The following PSMC2 variants were observed in gnomAD, a reference collection of about 807,000 sequenced individuals.
PSMC2 encodes proteasome 26S subunit, ATPase 2, also known as 26S proteasome regulatory subunit 7.
PSMC2 carries 7 observed loss-of-function variants against 53.3 expected under a neutral mutation model. That is an observed-to-expected ratio of 0.13 (90% CI 0.07 to 0.25). The LOEUF (loss-of-function observed/expected upper bound fraction) is 0.25. Ranked by LOEUF, PSMC2 falls within the 10% of genes least tolerant of loss-of-function variation. The pLI is 1.00. For missense variants in PSMC2, 241 were observed against 544.0 expected (o/e 0.44, Z 5.54); for synonymous variants, 169 against 183.9 (o/e 0.92, Z 0.66).
chr7:103,367,018 T>C lies in PSMC2; in HGVS notation c.845-395T>C, dbSNP rs1820753777. Among the ~76,000 whole-genome samples, 2 of 152,184 alleles carry C rather than the reference T, an allele frequency of 1.3e-5. No individual in the cohort carries two copies. The highest frequency in any genetic ancestry group is 1.3e-4 in the Admixed American group (2 of 15,282). On this transcript the variant is annotated intron_variant, in intron 9 of 11. Coordinates refer to ENST00000292644, the MANE Select transcript of PSMC2 (RefSeq NM_002803.4). The surrounding 1 kb of genome is among the most constrained non-coding windows in gnomAD (Gnocchi z 6.1). ...CGTGGTTTCACCATGTTGGCCAGGC[T>C]GGTCTCGAACTCCTGAGGACAAGTT...
At chr7:103,366,218 AAGTG>A (rs878996804) in intron 9 of PSMC2, 55 bp downstream of exon 9, 2 of 1,450,000 alleles carry the variant, frequency 1.4e-6, no homozygotes. Context: ...GAAAGCTGTA[AAGTG>A]ATATGTCGTG....
rs747848662 is a variant in PSMC2, at chr7:103,367,888, G to T, written c.1145-9G>T. The T allele has an allele frequency of 3.7e-6, 6 of 1,610,754 alleles. No homozygotes were observed. The Admixed American group carries it at 1.0e-4, about 27-fold the overall frequency. On this transcript the variant is annotated splice_polypyrimidine_tract_variant and intron_variant, in intron 11 of 11. Coordinates refer to ENST00000292644, the MANE Select transcript of PSMC2 (RefSeq NM_002803.4). This position sits in a 1 kb window ranked among gnomAD's most constrained non-coding sequence, Gnocchi z 6.1. ...AATTAAGCCCGTTTATTTTCTTTTT[G>T]TTTGAAAGGTGCTGAGATTAGAAGC... is the stretch of plus-strand genomic sequence containing the variant.
chr7:103,350,939 CT>C (rs1249540367), intron 1 of PSMC2, among the ~76,000 whole-genome samples: 1 of 152,152 alleles, frequency 6.6e-6, no homozygotes, highest in African/African-American at 2.4e-5. Flanking sequence ...AGCCTTTGAG[CT>C]TCCCTTGGTT....
At chr7:103,349,573 C>A (rs573586168) in intron 1 of PSMC2, among the ~76,000 whole-genome samples, 84 of 152,168 alleles carry the variant, frequency 5.5e-4, no homozygotes, top group Non-Finnish European at 3.5e-4. Context: ...CTCAACCTCC[C>A]AAGTAGCTGG....
At chr7:103,361,182 A>G (rs1301227494) in intron 4 of PSMC2, among the ~76,000 whole-genome samples, 1 of 151,396 alleles carries the variant, frequency 6.6e-6, no homozygotes, top group African/African-American at 2.4e-5. Context: ...AGTAGCAAAA[A>G]CAATAAAAAT....
chr7:103,363,522 G>T (rs11977133), intron 7 of PSMC2, 83 bp downstream of exon 7: 11 of 1,214,564 alleles, frequency 9.1e-6, no homozygotes, highest in Non-Finnish European at 1.3e-5. Flanking sequence ...TTGTATATTA[G>T]ATGGCTTTTA....
chr7:103,362,381 T>C, intron 5 of PSMC2: 2 of 1,338,616 alleles, frequency 1.5e-6, no homozygotes, highest in South Asian at 3.4e-5. Flanking sequence ...GTACTTGCTT[T>C]AGGATAGTTG....
intron 6 of PSMC2, 91 bp from the exon 7 acceptor site, chr7:103,363,253 T>G: frequency 1.0e-6 from 1 of 994,062 alleles, no homozygotes; most frequent in East Asian, 2.5e-5. Context: ...TTGTGAGTTT[T>G]TCTTTTAAGG....
chr7:103,355,579 A>T, intron 3 of PSMC2, 115 bp from the exon 4 acceptor site: 1 of 754,898 alleles, frequency 1.3e-6, no homozygotes, highest in Admixed American at 2.2e-5. Context: ...AATGCACATG[A>T]TAGTCCTCAC....
rs145606402 is a variant in PSMC2 at position 103,353,946 on chromosome 7, G to C, written c.96G>C (p.Leu32Phe). 1 of 1,601,498 alleles carries C rather than the reference G, an allele frequency of 6.2e-7. No individual in the cohort carries two copies. Among genetic ancestry groups the C allele is most frequent in the South Asian group, 1.1e-5 (1 of 89,426 alleles). ...IRALDEGDIA[L>F]LKTYGQSTYS... ...CTCTGGATGAGGGGGATATTGCCTT[G>C]TTGAAAACTTATGTAAGTCCTTTCA... is the stretch of plus-strand genomic sequence containing the variant. Residue 32 changes from leucine to phenylalanine, a missense_variant, in exon 2 of 12, where the codon TTG becomes TTC. Physicochemically the swap from Leu to Phe is conservative, Grantham distance 22. Around this residue, in one of 6 missense-constraint regions of PSMC2, gnomAD observed 70 missense variants for 57.9 expected, o/e 1.21. Transcript: ENST00000292644.
chr7:103,348,572 C>A, intron 1 of PSMC2: 1 of 863,924 alleles, frequency 1.2e-6, no homozygotes, highest in Non-Finnish European at 2.0e-6. Context: ...CAATGAGTAC[C>A]TTTTACCTCG....
At chr7:103,365,821 G>A (rs762226224) in intron 8 of PSMC2, among the ~76,000 whole-genome samples, 4 of 152,108 alleles carry the variant, frequency 2.6e-5, no homozygotes, top group East Asian at 1.9e-4. Flanking sequence ...CCAGCTACCC[G>A]GGAGGCTGAG....
chr7:103,363,522 G>A, intron 7 of PSMC2, 83 bp downstream of exon 7: 1 of 1,214,562 alleles, frequency 8.2e-7, no homozygotes, highest in South Asian at 1.3e-5. Flanking sequence ...TTGTATATTA[G>A]ATGGCTTTTA....
At chr7:103,364,931 T>C (rs1338848406) in intron 8 of PSMC2, among the ~76,000 whole-genome samples, 3 of 136,840 alleles carry the variant, frequency 2.2e-5, no homozygotes, top group African/African-American at 8.1e-5. Flanking sequence ...AGTGAGAACA[T>C]AGGTTGTTTT....
chr7:103,362,352 C>A, intron 5 of PSMC2: 1 of 1,354,070 alleles, frequency 7.4e-7, no homozygotes, highest in Non-Finnish European at 9.5e-7. Flanking sequence ...TTTAAGGTAA[C>A]ATGGTATAGG....
chr7:103,364,406 A>G, intron 8 of PSMC2, 99 bp downstream of exon 8: 2 of 1,376,498 alleles, frequency 1.5e-6, no homozygotes, highest in East Asian at 4.7e-5. Flanking sequence ...TCCAGACCTG[A>G]AATTTCTTTT....
At position 103,367,109 on chromosome 7, in the gene PSMC2, C is replaced by T. The variant is rs1159939103; in HGVS notation, c.845-304C>T. On this transcript the variant is annotated intron_variant, in intron 9 of 11. Coordinates refer to ENST00000292644, the MANE Select transcript of PSMC2 (RefSeq NM_002803.4). This position sits in a 1 kb window ranked among gnomAD's most constrained non-coding sequence, Gnocchi z 6.1. ...AAGGGAATAATTGTTGTCTTGTGTA[C>T]TTCATGAGTTTTTGAGAGGTCCAAA... Among the ~76,000 whole-genome samples, 1 of 152,152 alleles carries T rather than the reference C, an allele frequency of 6.6e-6. No homozygotes were observed. The highest frequency in any genetic ancestry group is 2.4e-5 in the African/African-American group (1 of 41,426).
chr7:103,366,634 A>G (rs189042315), intron 9 of PSMC2, among the ~76,000 whole-genome samples: 1 of 152,206 alleles, frequency 6.6e-6, no homozygotes, highest in Non-Finnish European at 1.5e-5. Context: ...TCATTCATAC[A>G]ACACCTATTT....
At chr7:103,359,426 C>G (rs1401414374) in intron 4 of PSMC2, among the ~76,000 whole-genome samples, 1 of 152,076 alleles carries the variant, frequency 6.6e-6, no homozygotes, top group African/African-American at 2.4e-5. Flanking sequence ...TCATCACTAT[C>G]TAATTCCAGA....
Sources: allele counts gnomAD v4.1 joint callset (sites outside exome capture counted in the v4.1 genomes callset), GRCh38; gene constraint gnomAD v4.1.1; regional missense constraint gnomAD v4.1.1; non-coding constraint Gnocchi (gnomAD v3.1); transcripts MANE v1.5; gene names NCBI Gene and HGNC (gene_info 2026-07-23, HGNC 2026-07-21).